Variants in CDH18 observed in about 807,000 individuals in gnomAD.
CDH18 encodes cadherin 18, also known as cadherin-18.
CDH18 carries 31 observed loss-of-function variants against 67.9 expected under a neutral mutation model. The observed-to-expected ratio is 0.46, with a 90% CI of 0.34 to 0.62. The LOEUF (loss-of-function observed/expected upper bound fraction) is 0.62. CDH18 is among the 20% of genes least tolerant of loss of function. The pLI, the probability that CDH18 is intolerant of heterozygous loss-of-function variation, is 0.01. For synonymous variants in CDH18, 362 were observed against 347.2 expected (o/e 1.04, Z -0.48); for missense variants, 890 against 975.5 (o/e 0.91, Z 1.17).
At chr5:20,018,292 G>A (rs944993910) in intron 2 of CDH18, among the ~76,000 whole-genome samples, 4 of 152,174 alleles carry the variant, frequency 2.6e-5, no homozygotes, top group African/African-American at 9.7e-5. Context: ...ACAGGTAGAA[G>A]TAGAGTTCGG....
At chr5:19,989,276 C>A (rs534775721), upstream of CDH18, among the ~76,000 whole-genome samples, 1 of 152,226 alleles carries the variant, frequency 6.6e-6, no homozygotes, top group East Asian at 1.9e-4. Context: ...ATTGCAAACA[C>A]TAAGAGAAAG....
chr5:20,295,048 TATA>T (rs1385543403), intron 1 of CDH18, among the ~76,000 whole-genome samples: 2 of 152,136 alleles, frequency 1.3e-5, no homozygotes, highest in African/African-American at 4.8e-5. Context: ...AAAATAAAAG[TATA>T]ATAATTTAAA....
chr5:20,049,979 A>G (rs1435975), intron 2 of CDH18, among the ~76,000 whole-genome samples: 114,580 of 151,674 alleles, frequency 0.76, 46,288 homozygotes, highest in Non-Finnish European at 0.9. Flanking sequence ...ATATAGTGAC[A>G]ATGATTAAAA....
At chr5:20,567,431 AGG>A (rs1758578821) in intron 1 of CDH18, among the ~76,000 whole-genome samples, 1 of 145,730 alleles carries the variant, frequency 6.9e-6, no homozygotes, top group Non-Finnish European at 1.5e-5. Context: ...AAGATGGAGA[AGG>A]GGCCCCATGG....
At chr5:19,556,601 C>A (rs1184219495) in intron 8 of CDH18, among the ~76,000 whole-genome samples, 1 of 151,896 alleles carries the variant, frequency 6.6e-6, no homozygotes, top group African/African-American at 2.4e-5. Context: ...AAAAAACGAG[C>A]AAAGCCTCCA....
chr5:20,112,116 A>G (rs953226223), intron 2 of CDH18, among the ~76,000 whole-genome samples: 5 of 152,166 alleles, frequency 3.3e-5, no homozygotes, highest in Middle Eastern at 3.2e-3. Flanking sequence ...CACGTAACAT[A>G]TATTTCCTTA....
chr5:19,658,471 C>T (rs942428351), intron 5 of CDH18, among the ~76,000 whole-genome samples: 6 of 151,994 alleles, frequency 3.9e-5, no homozygotes, highest in Non-Finnish European at 7.4e-5. Flanking sequence ...ATTTCCAATA[C>T]TTCAGAGTAC....
At chr5:20,116,286 G>C (rs1391376125) in intron 2 of CDH18, among the ~76,000 whole-genome samples, 2 of 151,936 alleles carry the variant, frequency 1.3e-5, no homozygotes, top group Admixed American at 6.6e-5. Flanking sequence ...GAGGCAGGTG[G>C]ATCACCTGAG....
At chr5:20,238,061 T>G (rs529620113) in intron 2 of CDH18, among the ~76,000 whole-genome samples, 3 of 151,926 alleles carry the variant, frequency 2.0e-5, no homozygotes, top group Non-Finnish European at 4.4e-5. Flanking sequence ...AAAATGGTAA[T>G]CATTGTAACA....
chr5:20,494,895 C>G (rs980066520), intron 1 of CDH18, among the ~76,000 whole-genome samples: 4 of 152,092 alleles, frequency 2.6e-5, no homozygotes, highest in Admixed American at 1.3e-4. Context: ...GTCCACAGCC[C>G]TGGGTCTTGG....
chr5:20,372,673 A>G (rs1041233902), intron 1 of CDH18, among the ~76,000 whole-genome samples: 1 of 152,192 alleles, frequency 6.6e-6, no homozygotes, highest in Non-Finnish European at 1.5e-5. Context: ...TTTTTCCAAC[A>G]GGGAGATATT....
chr5:19,967,387 A>C (rs1246138474), intron 2 of CDH18, among the ~76,000 whole-genome samples: 8 of 152,136 alleles, frequency 5.3e-5, no homozygotes, highest in African/African-American at 1.9e-4. Context: ...AATGATGATG[A>C]AACCTGTTTT....
At chr5:20,353,243 C>G (rs1580815199) in intron 1 of CDH18, among the ~76,000 whole-genome samples, 1 of 152,196 alleles carries the variant, frequency 6.6e-6, no homozygotes, top group Non-Finnish European at 1.5e-5. Context: ...TGGCAGCTTA[C>G]CTGTAAGTGC....
intron 1 of CDH18, among the ~76,000 whole-genome samples, chr5:20,415,504 T>C (rs1391159361): frequency 2.6e-5 from 4 of 152,152 alleles, no homozygotes; most frequent in Non-Finnish European, 5.9e-5. Context: ...CTGGTTGCGG[T>C]GGCTCATGCC....
chr5:19,960,215 T>C (rs1476561488), intron 2 of CDH18, among the ~76,000 whole-genome samples: 1 of 152,146 alleles, frequency 6.6e-6, no homozygotes, highest in African/African-American at 2.4e-5. Flanking sequence ...TTTAAAACGT[T>C]TGAGTGTTTT....
chr5:19,565,745 T>A (rs1189867278), intron 8 of CDH18, among the ~76,000 whole-genome samples: 1 of 152,208 alleles, frequency 6.6e-6, no homozygotes, highest in Admixed American at 6.5e-5. Context: ...AACTTAAGTC[T>A]ATGAACTCAC....
intron 1 of CDH18, among the ~76,000 whole-genome samples, chr5:20,574,858 T>C (rs552583532): frequency 6.6e-6 from 1 of 152,188 alleles, no homozygotes; most frequent in African/African-American, 2.4e-5. Context: ...TTCTTTGCCT[T>C]AGCTCAATAC....
intron 1 of CDH18, among the ~76,000 whole-genome samples, chr5:20,319,504 G>A (rs1372168293): frequency 8.6e-5 from 13 of 151,972 alleles, no homozygotes; most frequent in African/African-American, 3.1e-4. Context: ...CATATTTGCT[G>A]TATTTTAAAT....
At chr5:20,295,327 A>T (rs777134285) in intron 1 of CDH18, among the ~76,000 whole-genome samples, 8 of 152,194 alleles carry the variant, frequency 5.3e-5, no homozygotes, top group Non-Finnish European at 1.0e-4. Flanking sequence ...TCAACCGGAC[A>T]AATTTTGATA....
Sources: gnomAD v4.1 joint callset for allele counts (sites outside exome capture counted in the v4.1 genomes callset) on GRCh38, gnomAD v4.1.1 for gene constraint, MANE v1.5 for transcripts, NCBI Gene and HGNC (gene_info 2026-07-23, HGNC 2026-07-21) for gene names.